Variants in PDS5B observed in about 807,000 individuals in gnomAD.
PDS5B encodes the protein sister chromatid cohesion protein PDS5 homolog B.
Under a neutral mutation model 184.1 loss-of-function variants are expected in PDS5B, and 51 were observed. The observed-to-expected ratio is 0.28, with a 90% CI of 0.22 to 0.35. PDS5B has a LOEUF of 0.35. Among genes scored for constraint, PDS5B ranks in the 10% least tolerant of loss-of-function variants. The probability of loss-of-function intolerance (pLI) is 1.00; values close to 1 mark genes in which losing one functional copy is unlikely to be tolerated. For synonymous variants in PDS5B, 566 were observed against 569.2 expected (o/e 0.99, Z 0.08); for missense variants, 1,180 against 1,723.3 (o/e 0.68, Z 5.58).
chr13:32,697,985 G>C (rs1951756370), intron 15 of PDS5B, among the ~76,000 whole-genome samples: 1 of 152,112 alleles, frequency 6.6e-6, no homozygotes, highest in African/African-American at 2.4e-5. Flanking sequence ...ACGGTGCCTG[G>C]CCTATCACCT....
intron 17 of PDS5B, among the ~76,000 whole-genome samples, 187 bp downstream of exon 17, chr13:32,701,625 T>C (rs931584035): frequency 9.9e-5 from 15 of 150,794 alleles, no homozygotes; most frequent in African/African-American, 1.2e-4. Flanking sequence ...CACACACATA[T>C]ATATATATAT....
chr13:32,753,874 T>C (rs1344273358), intron 25 of PDS5B, among the ~76,000 whole-genome samples: 2 of 152,142 alleles, frequency 1.3e-5, no homozygotes, highest in Non-Finnish European at 2.9e-5. Context: ...ACTTTGATCT[T>C]TGTTGTTTGT....
At chr13:32,719,090 C>A (rs1026783592) in intron 19 of PDS5B, among the ~76,000 whole-genome samples, 9 of 152,094 alleles carry the variant, frequency 5.9e-5, no homozygotes, top group Non-Finnish European at 1.0e-4. Context: ...TACTAGTAAC[C>A]AGTATATTTT....
chr13:32,685,513 A>G (rs1951360788), intron 11 of PDS5B, among the ~76,000 whole-genome samples: 1 of 152,210 alleles, frequency 6.6e-6, no homozygotes, highest in South Asian at 2.1e-4. Context: ...AGCACTGAAA[A>G]ATAATTGACT....
At chr13:32,634,710 A>G (rs2058512343) in intron 1 of PDS5B, among the ~76,000 whole-genome samples, 1 of 151,662 alleles carries the variant, frequency 6.6e-6, no homozygotes, top group Admixed American at 6.6e-5. Context: ...CAGCCTCCCG[A>G]GTAGCGGGGA....
intron 1 of PDS5B, among the ~76,000 whole-genome samples, chr13:32,587,375 A>T (rs1167710249): frequency 6.6e-6 from 1 of 152,282 alleles, no homozygotes; most frequent in African/African-American, 2.4e-5. Flanking sequence ...ACTGGGTTCT[A>T]GCTTTCCTTT....
Position 32,757,739 on chromosome 13 carries a change from C to T in PDS5B, c.3057-348C>T, listed in dbSNP as rs137980856. Among the ~76,000 whole-genome samples the T allele has an allele frequency of 6.2e-3, 949 of 152,246 alleles. 6 individuals are homozygous for T. Among genetic ancestry groups the T allele is most frequent in the African/African-American group, 0.022 (913 of 41,532 alleles). On this transcript the variant is annotated intron_variant, in intron 26 of 34. Transcript: ENST00000315596. ...TGAGTATCTGAGGCCTCACTTGATCCGTGGCCCCACTATTCCTTTGACAGT... is the reference window on the plus strand; with the variant it reads ...TGAGTATCTGAGGCCTCACTTGATCTGTGGCCCCACTATTCCTTTGACAGT...
At chr13:32,742,802 GTTTC>G (rs1953605263) in intron 23 of PDS5B, 75 bp downstream of exon 23, 1 of 1,287,330 alleles carries the variant, frequency 7.8e-7, no homozygotes, top group Non-Finnish European at 1.1e-6. Flanking sequence ...CAATGGTGCT[GTTTC>G]TTTTTCTTTT....
chr13:32,646,294 A>T (rs1950221654), intron 1 of PDS5B, among the ~76,000 whole-genome samples: 1 of 151,118 alleles, frequency 6.6e-6, no homozygotes, highest in Non-Finnish European at 1.5e-5. Context: ...GATGTGAACC[A>T]TCATGCCCAT....
At chr13:32,761,506 T>C (rs889672255) in intron 30 of PDS5B, among the ~76,000 whole-genome samples, 20 of 152,168 alleles carry the variant, frequency 1.3e-4, no homozygotes, top group African/African-American at 4.8e-4. Context: ...TTGTCTGTTG[T>C]TTCCATGTGT....
intron 1 of PDS5B, among the ~76,000 whole-genome samples, chr13:32,603,890 G>A (rs557835741): frequency 6.6e-6 from 1 of 152,104 alleles, no homozygotes; most frequent in Non-Finnish European, 1.5e-5. Context: ...CTTTTTGTCT[G>A]TATAGGAATG....
At position 32,701,309 on chromosome 13, in the gene PDS5B, A is replaced by T; in HGVS notation, c.1741-14A>T. ...AAATGTACTTTTGTAATACTGAAATAATCTGTATTACAGCGTGAAATAACT... is the reference window on the plus strand; with the variant it reads ...AAATGTACTTTTGTAATACTGAAATTATCTGTATTACAGCGTGAAATAACT... On this transcript the variant is annotated splice_polypyrimidine_tract_variant and intron_variant, in intron 16 of 34. Transcript: ENST00000315596. The T allele has an allele frequency of 7.7e-7, 1 of 1,304,232 alleles. No homozygotes were observed. The highest frequency in any genetic ancestry group is 1.1e-6 in the Non-Finnish European group (1 of 908,494). The allele number at this position is 1,304,232 out of a possible 1,614,324, so 80.8% of individuals were successfully genotyped here.
At chr13:32,664,638 GGAATCA>G (rs1950737149) in intron 6 of PDS5B, among the ~76,000 whole-genome samples, 1 of 152,002 alleles carries the variant, frequency 6.6e-6, no homozygotes, top group African/African-American at 2.4e-5. Flanking sequence ...CCGAGGCAGG[GGAATCA>G]CTTGAGCTCA....
chr13:32,679,891 G>GTT, intron 10 of PDS5B, among the ~76,000 whole-genome samples: 1 of 128,450 alleles, frequency 7.8e-6, no homozygotes, highest in Non-Finnish European at 1.7e-5. Context: ...GTGAGTGTGT[G>GTT]TGTGTGTGTG....
intron 1 of PDS5B, among the ~76,000 whole-genome samples, chr13:32,641,586 T>C (rs1420402397): frequency 6.6e-6 from 1 of 152,166 alleles, no homozygotes; most frequent in African/African-American, 2.4e-5. Flanking sequence ...TTCCGTAGAT[T>C]TTTGTAACAA....
chr13:32,649,783 T>C (rs1950324049), intron 2 of PDS5B: 2 of 152,288 alleles, frequency 1.3e-5, no homozygotes, highest in South Asian at 4.1e-4. Flanking sequence ...ATGTCAGATA[T>C]CAGATGTTTA....
At chr13:32,650,511 T>C (rs576699526) in intron 2 of PDS5B, 12 of 152,330 alleles carry the variant, frequency 7.9e-5, no homozygotes, top group South Asian at 2.1e-4. Context: ...ATTCAAAATA[T>C]GCTTAATCTC....
chr13:32,597,705 G>A (rs1341014962), intron 1 of PDS5B, among the ~76,000 whole-genome samples: 4 of 151,808 alleles, frequency 2.6e-5, no homozygotes, highest in African/African-American at 9.7e-5. Context: ...AAATTAGTTG[G>A]GCATGGTGGT....
intron 1 of PDS5B, among the ~76,000 whole-genome samples, chr13:32,615,447 GTAT>G (rs2140520152): frequency 7.6e-6 from 1 of 131,442 alleles, no homozygotes; most frequent in East Asian, 2.0e-4. Context: ...AAAGTGAAAT[GTAT>G]ACCTATCATA....
Sources: allele counts gnomAD v4.1 joint callset (sites outside exome capture counted in the v4.1 genomes callset), GRCh38; gene constraint gnomAD v4.1.1; transcripts MANE v1.5; gene names NCBI Gene and HGNC (gene_info 2026-07-23, HGNC 2026-07-21).